Variants in GLI3 observed in about 807,000 individuals in gnomAD.
GLI3 encodes transcription activator GLI3.
In GLI3, 20 loss-of-function variants were observed where a neutral mutation model predicts 100.8. That is an observed-to-expected ratio of 0.20 (90% CI 0.14 to 0.29). GLI3 has a LOEUF of 0.29. GLI3 is among the 10% of genes least tolerant of loss of function. The pLI is 1.00. For missense variants in GLI3, 2,040 were observed against 2,128.5 expected (o/e 0.96, Z 0.82); for synonymous variants, 938 against 860.5 (o/e 1.09, Z -1.58).
At chr7:42,132,550 A>G (rs768710652) in intron 3 of GLI3, among the ~76,000 whole-genome samples, 3 of 152,202 alleles carry the variant, frequency 2.0e-5, no homozygotes, top group Non-Finnish European at 4.4e-5. Context: ...TATTGGAATA[A>G]TCAAATAGTC....
intron 3 of GLI3, among the ~76,000 whole-genome samples, chr7:42,084,316 A>AGT (rs1401556990): frequency 3.3e-5 from 5 of 152,230 alleles, no homozygotes; most frequent in African/African-American, 1.2e-4. Context: ...AACTGACAAA[A>AGT]GAAACCTCTG....
In GLI3 at chr7:41,965,617, C is replaced by T; in HGVS notation, c.3456G>A (p.Glu1152=). 1 of 1,608,992 alleles carries T rather than the reference C, an allele frequency of 6.2e-7. No homozygotes were observed. Among genetic ancestry groups the T allele is most frequent in the Non-Finnish European group, 8.5e-7 (1 of 1,175,984 alleles). The change falls in exon 15 of 15, where the codon GAG becomes GAA. Residue 1152 remains glutamate (E), a synonymous_variant. Transcript: ENST00000395925. ...QFHALEQPCP[E]GSKTDLPIQW... Reference sequence around the variant, plus strand: ...GAATGGGCAGGTCGGTTTTGCTGCCCTCGGGGCAGGGCTGCTCGAGGGCAT... The same window carrying T: ...GAATGGGCAGGTCGGTTTTGCTGCCTTCGGGGCAGGGCTGCTCGAGGGCAT...
intron 2 of GLI3, among the ~76,000 whole-genome samples, chr7:42,156,023 GATTGCTGTGACCTGGTTGAACACT>G (rs1786995229): frequency 6.6e-6 from 1 of 152,140 alleles, no homozygotes; most frequent in Non-Finnish European, 1.5e-5. Flanking sequence ...GGTCAGCGAA[GATTGCTGTGACCTGGTTGAACACT>G]GCCCTGAACA....
chr7:41,986,599 C>T (rs1424096190), intron 10 of GLI3, among the ~76,000 whole-genome samples: 2 of 152,122 alleles, frequency 1.3e-5, no homozygotes, highest in African/African-American at 4.8e-5. Context: ...AAGATAAATA[C>T]TGCATGATTC....
At chr7:42,022,534 T>C (rs1382687690) in intron 10 of GLI3, among the ~76,000 whole-genome samples, 1 of 152,156 alleles carries the variant, frequency 6.6e-6, no homozygotes, top group East Asian at 1.9e-4. Context: ...TCGCAACAAA[T>C]GCTACTTTGT....
chr7:42,075,207 A>G (rs1784855107), intron 4 of GLI3, among the ~76,000 whole-genome samples: 2 of 152,230 alleles, frequency 1.3e-5, no homozygotes, highest in Non-Finnish European at 2.9e-5. Flanking sequence ...GAAATAGTTC[A>G]GCCTATTATA....
chr7:42,145,459 C>A, intron 3 of GLI3: 1 of 398,004 alleles, frequency 2.5e-6, no homozygotes, highest in South Asian at 1.3e-4. Context: ...AAGTTATAGT[C>A]GATCTACTGA....
chr7:42,239,560 A>G (rs1357817434), upstream of GLI3, among the ~76,000 whole-genome samples: 2 of 152,222 alleles, frequency 1.3e-5, no homozygotes, highest in African/African-American at 2.4e-5. Flanking sequence ...CTGTTCACCC[A>G]ATGGCAAAAA....
chr7:42,029,135 A>C lies in GLI3; in HGVS notation c.1029-2723T>G, dbSNP rs544675405. Among the ~76,000 whole-genome samples, 10 of 152,322 alleles carry C rather than the reference A, an allele frequency of 6.6e-5. No homozygotes were observed. In the East Asian group the frequency reaches 1.7e-3, roughly 26 times the overall value. On this transcript the variant is annotated intron_variant, in intron 7 of 14. Coordinates refer to ENST00000395925, the MANE Select transcript of GLI3 (RefSeq NM_000168.6). ...AGAAACATTCTCCTCCTCCTCGTGC[A>C]CAGACCTGGGCCAGGGCAGGGTATG...
At chr7:42,022,647 G>A (rs569158904) in intron 10 of GLI3, among the ~76,000 whole-genome samples, 123 of 152,194 alleles carry the variant, frequency 8.1e-4, no homozygotes, top group Middle Eastern at 6.8e-3. Flanking sequence ...TTTTATTCTC[G>A]ATCATCTAAA....
intron 2 of GLI3, 79 bp downstream of exon 2, chr7:42,223,051 A>G: frequency 6.5e-7 from 1 of 1,549,624 alleles, no homozygotes; most frequent in Admixed American, 1.7e-5. Context: ...GTCCAGGTGC[A>G]AACGCTCAAT....
chr7:42,184,612 G>T (rs2128684656), intron 2 of GLI3, among the ~76,000 whole-genome samples: 1 of 152,286 alleles, frequency 6.6e-6, no homozygotes, highest in South Asian at 2.1e-4. Flanking sequence ...AATGAATGAA[G>T]CCATGTAATA....
intron 2 of GLI3, among the ~76,000 whole-genome samples, chr7:42,185,005 G>A (rs927396528): frequency 2.6e-5 from 4 of 152,058 alleles, no homozygotes; most frequent in Non-Finnish European, 5.9e-5. Context: ...CTCAGAGTCT[G>A]CCTCCTGGGA....
intron 3 of GLI3, among the ~76,000 whole-genome samples, chr7:42,131,710 G>C (rs1013725205): frequency 6.6e-6 from 1 of 152,170 alleles, no homozygotes; most frequent in African/African-American, 2.4e-5. Context: ...GATGGCACAG[G>C]GGACCTAACA....
intron 2 of GLI3, among the ~76,000 whole-genome samples, chr7:42,149,753 A>C (rs1046310212): frequency 8.5e-5 from 13 of 152,250 alleles, no homozygotes; most frequent in African/African-American, 3.1e-4. Flanking sequence ...TCTCATATAC[A>C]AATTTATCTT....
chr7:42,091,615 C>A (rs182788981), intron 3 of GLI3, among the ~76,000 whole-genome samples: 1 of 152,254 alleles, frequency 6.6e-6, no homozygotes, highest in Admixed American at 6.5e-5. Flanking sequence ...AGAAGTCCCT[C>A]TACACATATA....
rs554658671 is a variant in GLI3, at chr7:41,994,065, G to C, written c.1498-15317C>G. On this transcript the variant is annotated intron_variant, in intron 10 of 14. Coordinates refer to ENST00000395925, the MANE Select transcript of GLI3 (RefSeq NM_000168.6). ...GGGTAAGGGTTCTGGCATTTAAATG[G>C]TAACCCTAACTTTCAATGTTATGTC... Among the ~76,000 whole-genome samples the C allele has an allele frequency of 5.9e-5, 9 of 152,160 alleles. No individual in the cohort carries two copies. In the South Asian group the frequency reaches 1.9e-3, roughly 32 times the overall value.
rs76668161 is a variant in GLI3 at position 42,018,249 on chromosome 7, T to C, written c.1497+5219A>G. On this transcript the variant is annotated intron_variant, in intron 10 of 14. Coordinates refer to ENST00000395925, the MANE Select transcript of GLI3 (RefSeq NM_000168.6). ...TTTGAAGTTTGTAGTTCTTAGTCTA[T>C]ATTTTATATGCCGTGTTTCCAAATA... is the stretch of plus-strand genomic sequence containing the variant. 7.8e-3 allele frequency among the ~76,000 whole-genome samples: 1,191 copies of C among 152,342 alleles called. 25 individuals are homozygous for C. The highest frequency in any genetic ancestry group is 0.027 in the African/African-American group (1,133 of 41,564).
intron 10 of GLI3, among the ~76,000 whole-genome samples, chr7:41,983,640 A>T (rs1467495718): frequency 2.0e-5 from 3 of 152,220 alleles, no homozygotes; most frequent in Non-Finnish European, 4.4e-5. Flanking sequence ...ACACATAGAC[A>T]TGCAATTTGC....
Sources: gnomAD v4.1 joint callset for allele counts (sites outside exome capture counted in the v4.1 genomes callset) on GRCh38, gnomAD v4.1.1 for gene constraint, MANE v1.5 for transcripts, NCBI Gene and HGNC (gene_info 2026-07-23, HGNC 2026-07-21) for gene names.